RIC1: variants seen among roughly 807,000 people sequenced by gnomAD.
RIC1 encodes the protein guanine nucleotide exchange factor subunit RIC1.
Under a neutral mutation model 169.0 loss-of-function variants are expected in RIC1, and 88 were observed. The ratio of observed to expected loss-of-function variants is 0.52; its 90% CI spans 0.44 to 0.62. The LOEUF (loss-of-function observed/expected upper bound fraction) is 0.62, where lower values mean the gene tolerates loss of function less well. Among genes scored for constraint, RIC1 ranks in the 20% least tolerant of loss-of-function variants. RIC1 has a pLI of 0.00. For synonymous variants in RIC1, 790 were observed against 601.5 expected (o/e 1.31, Z -4.59); for missense variants, 1,877 against 1,725.5 (o/e 1.09, Z -1.56).
At position 5,656,621 on chromosome 9, in the gene RIC1, A is replaced by G. The variant is rs768321216; in HGVS notation, c.183A>G (p.Lys61=). 3.1e-6 allele frequency: 5 copies of G among 1,607,560 alleles called. No homozygotes were observed. Among genetic ancestry groups the G allele is most frequent in the Admixed American group, 3.3e-5 (2 of 59,722 alleles). Reference sequence around the variant, plus strand: ...TTGTAACCTACAAGGAGCCTGCAAAATCATCTACTCAGTTTGGATCCTACA... The same window carrying G: ...TTGTAACCTACAAGGAGCCTGCAAAGTCATCTACTCAGTTTGGATCCTACA... ...VLIVTYKEPA[K]SSTQFGSYKQ... Residue 61 remains lysine (K), a synonymous_variant, in exon 2 of 26, where the codon AAA becomes AAG. Transcript: ENST00000414202.
rs1348982180 is a variant in RIC1 at position 5,762,550 on chromosome 9, G to A, written c.2002G>A (p.Ala668Thr). The stretch of plus-strand genomic sequence containing the variant: ...TTTTCTTAAATTTCAGGCTCGTGGT[G>A]CAGAGAGCATTATGTTAAACCTGGC... ...TLKMPQQARG[A>T]ESIMLNLAGQ... Residue 668 changes from alanine (A) to threonine (T), a missense_variant, in exon 18 of 26, where the codon GCA (alanine) becomes ACA (threonine). Physicochemically the swap from Ala to Thr is moderately conservative, Grantham distance 58. Transcript: ENST00000414202. 3.1e-6 allele frequency: 5 copies of A among 1,613,852 alleles called. No homozygotes were observed. Among genetic ancestry groups the A allele is most frequent in the Non-Finnish European group, 4.2e-6 (5 of 1,179,878 alleles).
intron 2 of RIC1, among the ~76,000 whole-genome samples, chr9:5,683,559 G>T (rs924054148): frequency 3.9e-5 from 6 of 152,300 alleles, no homozygotes; most frequent in East Asian, 3.9e-4. Flanking sequence ...TGTCCCTACT[G>T]GGGGGTGCCC....
chr9:5,743,069 A>T, intron 9 of RIC1, 56 bp downstream of exon 9: 1 of 1,521,874 alleles, frequency 6.6e-7, no homozygotes. Flanking sequence ...CTCACAATGC[A>T]TGCATACAAA....
Position 5,743,041 on chromosome 9 carries a change from A to G in RIC1, c.1046+28A>G, listed in dbSNP as rs575987421. The stretch of plus-strand genomic sequence containing the variant: ...AAGTCAAAAAAGACAATTTTTAGAT[A>G]AAATAACTCCATTATTTCTCACAAT... On this transcript the variant is annotated intron_variant, in intron 9 of 25. Transcript: ENST00000414202. 16 of 1,593,036 alleles carry G rather than the reference A, an allele frequency of 1.0e-5. 1 individual carries two copies. The Middle Eastern group carries it at 6.7e-4, about 67-fold the overall frequency.
At chr9:5,718,226 T>C (rs1259941449) in intron 4 of RIC1, among the ~76,000 whole-genome samples, 3 of 151,958 alleles carry the variant, frequency 2.0e-5, no homozygotes, top group African/African-American at 7.2e-5. Context: ...ATGTTTTCTA[T>C]ACAAGGCTGG....
chr9:5,670,048 G>A (rs1820000311), intron 2 of RIC1, among the ~76,000 whole-genome samples: 1 of 152,230 alleles, frequency 6.6e-6, no homozygotes, highest in African/African-American at 2.4e-5. Flanking sequence ...CACTGGTTAT[G>A]TGTTTGAGGC....
rs113080846 is a variant in RIC1, at chr9:5,678,331, A to G, written c.253-11628A>G. Among the ~76,000 whole-genome samples the G allele has an allele frequency of 6.1e-4, 93 of 152,206 alleles. 2 individuals carry two copies. The highest frequency in any genetic ancestry group is 1.7e-3 in the African/African-American group (71 of 41,512). On this transcript the variant is annotated intron_variant, in intron 2 of 25. Coordinates refer to ENST00000414202, the MANE Select transcript of RIC1 (RefSeq NM_020829.4). ...ATACGTGTGCATGTGTCTTTATAGC[A>G]GCATGATTTATAGTCATTTGGGTAT...
intron 6 of RIC1, among the ~76,000 whole-genome samples, chr9:5,723,215 C>T (rs948485048): frequency 2.6e-5 from 4 of 152,142 alleles, no homozygotes; most frequent in African/African-American, 9.7e-5. Context: ...CTCTCCAGGA[C>T]CTATTGTTTC....
At chr9:5,635,376 A>G (rs1001194157) in intron 1 of RIC1, among the ~76,000 whole-genome samples, 7 of 152,098 alleles carry the variant, frequency 4.6e-5, no homozygotes, top group Admixed American at 6.6e-5. Flanking sequence ...ATAAGGGTCC[A>G]GTTTCCTTCC....
intron 2 of RIC1, among the ~76,000 whole-genome samples, chr9:5,683,406 G>A (rs974931488): frequency 2.6e-5 from 4 of 152,202 alleles, no homozygotes; most frequent in Non-Finnish European, 5.9e-5. Context: ...TTTGCTGGAG[G>A]TCCACTCCAG....
At chr9:5,753,398 C>T (rs1437397195) in intron 13 of RIC1, 138 bp from the exon 14 acceptor site, 4 of 818,758 alleles carry the variant, frequency 4.9e-6, no homozygotes, top group Non-Finnish European at 7.9e-6. Context: ...TCAGATATAA[C>T]TGAATATTTG....
intron 2 of RIC1, among the ~76,000 whole-genome samples, chr9:5,669,112 T>C (rs1257877492): frequency 6.6e-6 from 1 of 152,196 alleles, no homozygotes; most frequent in African/African-American, 2.4e-5. Context: ...TTGCATAGTA[T>C]GTATTTCTTC....
chr9:5,651,709 G>A (rs548528300), intron 1 of RIC1, among the ~76,000 whole-genome samples: 1 of 151,682 alleles, frequency 6.6e-6, no homozygotes, highest in Non-Finnish European at 1.5e-5. Context: ...GATTACAGGT[G>A]CATGCCACCA....
chr9:5,652,326 T>G (rs1009539160), intron 1 of RIC1, among the ~76,000 whole-genome samples: 2 of 152,248 alleles, frequency 1.3e-5, no homozygotes, highest in African/African-American at 4.8e-5. Flanking sequence ...ACAGTATTAA[T>G]TTTTCCAATC....
intron 18 of RIC1, among the ~76,000 whole-genome samples, chr9:5,762,881 C>T (rs1212293587): frequency 6.6e-6 from 1 of 152,234 alleles, no homozygotes; most frequent in Non-Finnish European, 1.5e-5. Context: ...ACTGCTTAGG[C>T]ATCATTCATT....
At chr9:5,765,134 A>T (rs1826626778) in intron 19 of RIC1, 1 of 268,404 alleles carries the variant, frequency 3.7e-6, no homozygotes. Context: ...TACAAATGAT[A>T]TGCCTATCTG....
intron 3 of RIC1, among the ~76,000 whole-genome samples, chr9:5,710,053 C>G (rs1224120854): frequency 6.6e-6 from 1 of 152,078 alleles, no homozygotes; most frequent in Non-Finnish European, 1.5e-5. Context: ...AGAGGTATCT[C>G]CAACCCTTGA....
At chr9:5,720,548 G>C in intron 5 of RIC1, 66 bp from the exon 6 acceptor site, 1 of 1,456,144 alleles carries the variant, frequency 6.9e-7, no homozygotes, top group African/African-American at 1.4e-5. Context: ...GGTTTTTCTG[G>C]CAAAAAGTGA....
intron 7 of RIC1, among the ~76,000 whole-genome samples, chr9:5,735,367 TC>T (rs1278529763): frequency 6.6e-6 from 1 of 152,206 alleles, no homozygotes; most frequent in African/African-American, 2.4e-5. Context: ...AGTGTGCAGT[TC>T]CATTTACTGC....
Sources: allele counts gnomAD v4.1 joint callset (sites outside exome capture counted in the v4.1 genomes callset), GRCh38; gene constraint gnomAD v4.1.1; transcripts MANE v1.5; gene names NCBI Gene and HGNC (gene_info 2026-07-23, HGNC 2026-07-21).